The following UGT1A7 variants were observed in gnomAD, a reference collection of about 807,000 sequenced individuals.
UGT1A7 encodes UDP-glucuronosyltransferase 1A7.
A neutral mutation model predicts 45.6 loss-of-function variants in UGT1A7; 33 were observed. The ratio of observed to expected loss-of-function variants is 0.72; its 90% CI spans 0.55 to 0.97. The LOEUF is 0.97. UGT1A7 is among the 50% of genes least tolerant of loss of function. The pLI is 0.00. For missense variants in UGT1A7, 684 were observed against 666.2 expected (o/e 1.03, Z -0.29); for synonymous variants, 274 against 250.6 (o/e 1.09, Z -0.88).
At chr2:233,743,755 C>T in intron 1 of UGT1A7, 1 of 1,367,374 alleles carries the variant, frequency 7.3e-7, no homozygotes, top group Non-Finnish European at 9.8e-7. Context: ...CCGACAACAC[C>T]TCGTAGGCCT....
At chr2:233,728,849 G>A (rs1362831575) in intron 1 of UGT1A7, among the ~76,000 whole-genome samples, 2 of 152,182 alleles carry the variant, frequency 1.3e-5, no homozygotes, top group East Asian at 3.8e-4. Context: ...TTGGGAATTG[G>A]ATGAGAAACA....
At position 233,769,603 on chromosome 2, in the gene UGT1A7, G is replaced by T; in HGVS notation, c.1295+1164G>T. 1 of 1,612,818 alleles carries T rather than the reference G, an allele frequency of 6.2e-7. No individual in the cohort carries two copies. Among genetic ancestry groups the T allele is most frequent in the Non-Finnish European group, 8.5e-7 (1 of 1,179,870 alleles). On this transcript the variant is annotated intron_variant, in intron 4 of 4. Transcript: ENST00000373426. The surrounding 1 kb of genome is among the most constrained non-coding windows in gnomAD (Gnocchi z 4.4). Reference sequence around the variant, plus strand: ...CAGATGAGAGGAGACGGAACACGGGGACACACCAGCTTGAGCAAGGGACAA... The same window carrying T: ...CAGATGAGAGGAGACGGAACACGGGTACACACCAGCTTGAGCAAGGGACAA...
At chr2:233,696,659 A>G (rs989216959) in intron 1 of UGT1A7, among the ~76,000 whole-genome samples, 1 of 152,198 alleles carries the variant, frequency 6.6e-6, no homozygotes, top group Non-Finnish European at 1.5e-5. Context: ...TTCCAGTACT[A>G]TGAAGAATAA....
intron 1 of UGT1A7, among the ~76,000 whole-genome samples, chr2:233,735,251 C>T (rs915442177): frequency 3.3e-5 from 5 of 152,018 alleles, no homozygotes; most frequent in Admixed American, 6.6e-5. Context: ...TTGAATTGCT[C>T]CCTTTACCAT....
intron 1 of UGT1A7, among the ~76,000 whole-genome samples, chr2:233,715,022 G>C (rs1438116974): frequency 6.6e-6 from 1 of 152,060 alleles, no homozygotes; most frequent in Non-Finnish European, 1.5e-5. Flanking sequence ...AACTACAGGC[G>C]CATGGCACCA....
At chr2:233,699,296 C>A (rs2075497064) in intron 1 of UGT1A7, among the ~76,000 whole-genome samples, 1 of 152,170 alleles carries the variant, frequency 6.6e-6, no homozygotes, top group Admixed American at 6.5e-5. Context: ...CTGGGACACT[C>A]TTATGCTGTC....
At position 233,706,233 on chromosome 2, in the gene UGT1A7, G is replaced by A. The variant is rs181883669; in HGVS notation, c.855+23441G>A. Among the ~76,000 whole-genome samples, 10 of 152,360 alleles carry A rather than the reference G, an allele frequency of 6.6e-5. No homozygotes were observed. In the East Asian group the frequency reaches 1.9e-3, roughly 29 times the overall value. On this transcript the variant is annotated intron_variant, in intron 1 of 4. Coordinates refer to ENST00000373426, the MANE Select transcript of UGT1A7 (RefSeq NM_019077.3). ...CCCAGGCAGGGGCAAATGTGCAGCT[G>A]GGAGAGTGAGAGAACCAGGGCAGCT...
chr2:233,746,472 A>G (rs1693402163), intron 1 of UGT1A7, among the ~76,000 whole-genome samples: 1 of 151,654 alleles, frequency 6.6e-6, no homozygotes, highest in Admixed American at 6.6e-5. Flanking sequence ...GGTTCCAGAA[A>G]CACTTTCCAT....
intron 4 of UGT1A7, chr2:233,770,700 A>G (rs1353912546): frequency 1.3e-5 from 2 of 152,056 alleles, no homozygotes; most frequent in African/African-American, 4.8e-5. Flanking sequence ...AATTCATCTT[A>G]AGGTTTATGT....
intron 1 of UGT1A7, among the ~76,000 whole-genome samples, chr2:233,718,521 C>T (rs879860533): frequency 7.2e-5 from 11 of 152,180 alleles, no homozygotes; most frequent in Non-Finnish European, 1.5e-4. Flanking sequence ...AATGGGTGTC[C>T]ACAGCCTTGT....
chr2:233,763,371 A>G (rs1027317735), intron 1 of UGT1A7, among the ~76,000 whole-genome samples: 3 of 152,180 alleles, frequency 2.0e-5, no homozygotes, highest in African/African-American at 7.2e-5. Flanking sequence ...TTTGTCTTCA[A>G]GCTTTCTTCC....
chr2:233,758,661 T>C (rs1290185814), intron 1 of UGT1A7, among the ~76,000 whole-genome samples: 2 of 152,178 alleles, frequency 1.3e-5, no homozygotes, highest in Non-Finnish European at 2.9e-5. Context: ...GGTACCCTAA[T>C]TACCTGTTAA....
intron 1 of UGT1A7, among the ~76,000 whole-genome samples, chr2:233,700,136 T>A (rs2075545900): frequency 1.3e-5 from 2 of 152,152 alleles, no homozygotes; most frequent in Admixed American, 1.3e-4. Flanking sequence ...TCTGAGCTGT[T>A]TGTCTCCCTA....
chr2:233,771,824 C>T (rs981905786), intron 4 of UGT1A7, among the ~76,000 whole-genome samples: 9 of 144,512 alleles, frequency 6.2e-5, no homozygotes, highest in Non-Finnish European at 1.4e-4. Context: ...TCCTTGCTTC[C>T]TTCCCTCCTT....
At chr2:233,693,105 A>G (rs1433762628) in intron 1 of UGT1A7, 6 of 1,614,188 alleles carry the variant, frequency 3.7e-6, no homozygotes, top group Non-Finnish European at 4.2e-6. Context: ...GTGGTCCCTC[A>G]GGACGGAAGC....
At chr2:233,764,368 C>T (rs546564495) in intron 1 of UGT1A7, among the ~76,000 whole-genome samples, 6 of 152,276 alleles carry the variant, frequency 3.9e-5, no homozygotes, top group Non-Finnish European at 8.8e-5. Context: ...TAGTAGCTGG[C>T]TCAGGTAGGA....
intron 1 of UGT1A7, chr2:233,692,049 C>A (rs17868327): frequency 0.036 from 5,524 of 152,116 alleles, 132 homozygotes; most frequent in Admixed American, 0.06. Flanking sequence ...AAAACCCTTG[C>A]GATTAGAGGG....
At chr2:233,726,442 TC>T (rs1229144566) in intron 1 of UGT1A7, among the ~76,000 whole-genome samples, 1 of 152,218 alleles carries the variant, frequency 6.6e-6, no homozygotes, top group Non-Finnish European at 1.5e-5. Flanking sequence ...TCTTATTCTT[TC>T]CACTGAATGT....
In UGT1A7 at chr2:233,719,944, A is replaced by G. The variant is rs28898612; in HGVS notation, c.855+37152A>G. Among the ~76,000 whole-genome samples, 584 of 152,290 alleles carry G rather than the reference A, an allele frequency of 3.8e-3. 2 individuals are homozygous for G. Among genetic ancestry groups the G allele is most frequent in the African/African-American group, 0.013 (558 of 41,550 alleles). ...ACTCACGGACAGTGTTTGTAAAGGC[A>G]CCATCTTCATGGTTGTGCATGTCCT... On this transcript the variant is annotated intron_variant, in intron 1 of 4. Coordinates refer to ENST00000373426, the MANE Select transcript of UGT1A7 (RefSeq NM_019077.3).
Sources: gnomAD v4.1 joint callset for allele counts (sites outside exome capture counted in the v4.1 genomes callset) on GRCh38, gnomAD v4.1.1 for gene constraint, Gnocchi (gnomAD v3.1) non-coding constraint, MANE v1.5 for transcripts, NCBI Gene and HGNC (gene_info 2026-07-23, HGNC 2026-07-21) for gene names.